The following MYH15 variants were observed in gnomAD, a reference collection of about 807,000 sequenced individuals.
MYH15 encodes myosin heavy chain 15.
Under a neutral mutation model 240.5 loss-of-function variants are expected in MYH15, and 227 were observed. That is an observed-to-expected ratio of 0.94 (90% CI 0.85 to 1.05). The LOEUF (loss-of-function observed/expected upper bound fraction) is 1.05. Among genes scored for constraint, MYH15 ranks in the 50% least tolerant of loss-of-function variants. The pLI, the probability that MYH15 is intolerant of heterozygous loss-of-function variation, is 0.00. For missense variants in MYH15, 2,217 were observed against 2,247.5 expected (o/e 0.99, Z 0.27); for synonymous variants, 785 against 796.7 (o/e 0.99, Z 0.25).
At chr3:108,526,492 C>A (rs2083672276) in intron 1 of MYH15, among the ~76,000 whole-genome samples, 1 of 152,142 alleles carries the variant, frequency 6.6e-6, no homozygotes, top group Non-Finnish European at 1.5e-5. Context: ...GAGCCTGACA[C>A]AGAATGAGCA....
intron 1 of MYH15, among the ~76,000 whole-genome samples, chr3:108,520,199 A>G (rs563121059): frequency 1.1e-3 from 160 of 152,306 alleles, no homozygotes; most frequent in Non-Finnish European, 1.4e-3. Context: ...AAAAGATTAT[A>G]CCGAAAGTAA....
At chr3:108,404,838 T>G (rs1204336347) in intron 33 of MYH15, 1 of 152,118 alleles carries the variant, frequency 6.6e-6, no homozygotes, top group Non-Finnish European at 1.5e-5. Context: ...ATTTTTTAAT[T>G]TTTTTCTCCA....
chr3:108,496,932 C>T (rs2083395648), intron 6 of MYH15, among the ~76,000 whole-genome samples: 2 of 151,410 alleles, frequency 1.3e-5, no homozygotes, highest in South Asian at 2.1e-4. Context: ...GAGGCCTACG[C>T]GGGAGGATCA....
At chr3:108,464,505 TG>T (rs2083097054) in intron 15 of MYH15, 132 bp downstream of exon 15, 3 of 929,658 alleles carry the variant, frequency 3.2e-6, no homozygotes, top group Non-Finnish European at 1.6e-6. Flanking sequence ...ACCTTTTTTG[TG>T]GAACTGAGAT....
intron 1 of MYH15, among the ~76,000 whole-genome samples, chr3:108,508,077 C>T (rs944060862): frequency 6.6e-6 from 1 of 152,112 alleles, no homozygotes; most frequent in African/African-American, 2.4e-5. Flanking sequence ...TAATTAGTGG[C>T]AGTCACTACA....
In MYH15 at chr3:108,455,732, T is replaced by G; in HGVS notation, c.2262+4A>C. ...AAATGCATTCTTTGCAGTTTTCTGGTTACCTTAGTGATTCCAAATCGGTAC... is the reference window on the plus strand; with the variant it reads ...AAATGCATTCTTTGCAGTTTTCTGGGTACCTTAGTGATTCCAAATCGGTAC... On this transcript the variant is annotated splice_donor_region_variant and intron_variant, in intron 20 of 40. Transcript: ENST00000693548. The G allele has an allele frequency of 6.2e-7, 1 of 1,613,486 alleles. No homozygotes were observed. Among genetic ancestry groups the G allele is most frequent in the Non-Finnish European group, 8.5e-7 (1 of 1,179,546 alleles).
chr3:108,439,053 GAA>G (rs113630582), intron 24 of MYH15, among the ~76,000 whole-genome samples: 25 of 141,636 alleles, frequency 1.8e-4, no homozygotes, highest in South Asian at 4.4e-4. Flanking sequence ...CAGATAAGAA[GAA>G]AAAAAAAAAA....
the MYH15 span, among the ~76,000 whole-genome samples, chr3:108,544,341 T>C: frequency 2.6e-5 from 4 of 152,174 alleles, no homozygotes; most frequent in Non-Finnish European, 5.9e-5. Flanking sequence ...AAAAGAGGCA[T>C]AAAGAAATAA....
chr3:108,513,191 T>C (rs913594547), upstream of MYH15, among the ~76,000 whole-genome samples: 5 of 152,158 alleles, frequency 3.3e-5, no homozygotes, highest in Admixed American at 2.0e-4. Flanking sequence ...ATTTTGTGAA[T>C]GACAGAGAAA....
intron 30 of MYH15, among the ~76,000 whole-genome samples, chr3:108,412,987 C>T (rs1039068831): frequency 1.3e-5 from 2 of 152,152 alleles, no homozygotes; most frequent in Non-Finnish European, 2.9e-5. Context: ...ACCATGTTTG[C>T]CCTTTATTTT....
In MYH15 at chr3:108,410,867, G is replaced by T. The variant is rs1234654753; in HGVS notation, c.4211C>A (p.Ala1404Asp). The T allele has an allele frequency of 6.2e-7, 1 of 1,612,128 alleles. No homozygotes were observed. Among genetic ancestry groups the T allele is most frequent in the Non-Finnish European group, 8.5e-7 (1 of 1,178,352 alleles). ...EAMGVANARNASLERARHQLQ... is the reference protein window; with the variant it reads ...EAMGVANARNDSLERARHQLQ... ...CTGGTGCCTGGCTCTCTCCAAGGAG[G>T]CATTTCTGGCATTGGCCACCCCCAT... Residue 1404 changes from alanine (A) to aspartate (D), a missense_variant, in exon 31 of 41, where the codon GCC becomes GAC. By Grantham distance (126) the Ala-to-Asp change is moderately radical. Transcript: ENST00000693548.
At chr3:108,473,570 G>T (rs2083195118) in intron 12 of MYH15, among the ~76,000 whole-genome samples, 1 of 152,172 alleles carries the variant, frequency 6.6e-6, no homozygotes, top group Admixed American at 6.5e-5. Context: ...GTCACTATCT[G>T]TAGCTGTAAA....
intron 6 of MYH15, 112 bp from the exon 7 acceptor site, chr3:108,495,984 C>A: frequency 1.5e-6 from 1 of 664,724 alleles, no homozygotes; most frequent in Non-Finnish European, 2.4e-6. Context: ...TAACCAATGG[C>A]CAAAAGCTGC....
intron 1 of MYH15, among the ~76,000 whole-genome samples, chr3:108,528,576 C>A (rs1162673287): frequency 1.3e-5 from 2 of 152,142 alleles, no homozygotes; most frequent in Non-Finnish European, 2.9e-5. Flanking sequence ...TATCTCAATT[C>A]AATCCAAAAG....
rs781551823 is a variant in MYH15 at position 108,405,337 on chromosome 3, C to T, written c.4736+1G>A. ...TTACACATCAAAATCATCTTAAATA[C>T]CTAAAATTTTCTATTTCTTCATCTT... On this transcript the variant is annotated splice_donor_variant, in intron 33 of 40. Coordinates refer to ENST00000693548, the MANE Select transcript of MYH15 (RefSeq NM_014981.3). LOFTEE classifies it high-confidence loss of function. The T allele has an allele frequency of 1.8e-5, 27 of 1,472,298 alleles. No individual in the cohort carries two copies. Among genetic ancestry groups the T allele is most frequent in the Admixed American group, 3.6e-5 (2 of 54,938 alleles). The allele number at this position is 1,472,298 out of a possible 1,614,324, so 91.2% of individuals were successfully genotyped here. A position where few individuals can be genotyped will look rare whatever the true frequency, so the allele number is the denominator to read the frequency against.
At chr3:108,544,589 T>C in the MYH15 span, among the ~76,000 whole-genome samples, 1 of 152,176 alleles carries the variant, frequency 6.6e-6, no homozygotes, top group Non-Finnish European at 1.5e-5. Flanking sequence ...GGTATTTGCA[T>C]GAAATGTCAT....
At chr3:108,531,249 A>G (rs1352200025), upstream of MYH15, among the ~76,000 whole-genome samples, 3 of 152,234 alleles carry the variant, frequency 2.0e-5, no homozygotes, top group African/African-American at 7.2e-5. Flanking sequence ...ATTAATGTGT[A>G]TGATAACATG....
intron 33 of MYH15, among the ~76,000 whole-genome samples, chr3:108,404,393 A>G (rs912280634): frequency 6.6e-6 from 1 of 152,168 alleles, no homozygotes; most frequent in African/African-American, 2.4e-5. Context: ...GGCTCAAATG[A>G]TTTTTCTTGC....
At chr3:108,431,447 C>G (rs763596695) in intron 25 of MYH15, among the ~76,000 whole-genome samples, 24 of 152,210 alleles carry the variant, frequency 1.6e-4, no homozygotes, top group African/African-American at 5.8e-4. Flanking sequence ...AAGAGGAGTT[C>G]TCCTGCACAA....
Sources: gnomAD v4.1 joint callset for allele counts (sites outside exome capture counted in the v4.1 genomes callset) on GRCh38, gnomAD v4.1.1 for gene constraint, MANE v1.5 for transcripts, NCBI Gene and HGNC (gene_info 2026-07-23, HGNC 2026-07-21) for gene names.